Variants in FYB1 observed in about 807,000 individuals in gnomAD.
FYB1 encodes FYN-binding protein 1.
FYB1 carries 41 observed loss-of-function variants against 94.1 expected under a neutral mutation model. That is an observed-to-expected ratio of 0.44 (90% CI 0.34 to 0.57). The LOEUF is 0.57. FYB1 is among the 20% of genes least tolerant of loss of function. The probability of loss-of-function intolerance (pLI) is 0.02; values close to 1 mark genes in which losing one functional copy is unlikely to be tolerated. For synonymous variants in FYB1, 367 were observed against 353.2 expected (o/e 1.04, Z -0.44); for missense variants, 1,050 against 976.8 (o/e 1.07, Z -1.00).
intron 2 of FYB1, among the ~76,000 whole-genome samples, chr5:39,163,121 T>C (rs1744412012): frequency 6.6e-6 from 1 of 152,222 alleles, no homozygotes; most frequent in Non-Finnish European, 1.5e-5. Flanking sequence ...TTGAAACGCC[T>C]GGGTCACAGA....
intron 2 of FYB1, among the ~76,000 whole-genome samples, chr5:39,193,469 G>T (rs549081168): frequency 6.6e-6 from 1 of 152,326 alleles, no homozygotes; most frequent in African/African-American, 2.4e-5. Flanking sequence ...ATAACATCAT[G>T]CATAAACTTC....
chr5:39,234,706 G>A (rs1579752201), intron 1 of FYB1, among the ~76,000 whole-genome samples: 1 of 152,174 alleles, frequency 6.6e-6, no homozygotes, highest in Non-Finnish European at 1.5e-5. Flanking sequence ...GGAATACTAT[G>A]CAGCCATTAA....
Position 39,106,971 on chromosome 5 carries a change from G to C in FYB1, c.*472C>G, listed in dbSNP as rs1451982548. On this transcript the variant is annotated 3_prime_UTR_variant, in exon 19 of 19. Coordinates refer to ENST00000512982, the MANE Select transcript of FYB1 (RefSeq NM_001465.6). ...TTTTAAAAGACAGGTCACTTGAATA[G>C]AGAATATAAGATATAACCATAAGTA... 1 of 152,062 alleles carries C rather than the reference G, an allele frequency of 6.6e-6. No individual in the cohort carries two copies. Among genetic ancestry groups the C allele is most frequent in the Non-Finnish European group, 1.5e-5 (1 of 67,954 alleles). The allele number at this position is 152,062 out of a possible 1,614,324, so 9.4% of individuals were successfully genotyped here.
intron 2 of FYB1, among the ~76,000 whole-genome samples, chr5:39,167,691 G>A (rs939579657): frequency 3.9e-5 from 5 of 126,680 alleles, no homozygotes; most frequent in African/African-American, 1.7e-4. Flanking sequence ...GGGCAGTGGT[G>A]GGGGGAAGTG....
intron 2 of FYB1, 103 bp from the exon 3 acceptor site, chr5:39,153,707 A>G: frequency 1.0e-6 from 1 of 978,104 alleles, no homozygotes; most frequent in South Asian, 1.7e-5. Flanking sequence ...TTTGGCAAAA[A>G]TTAACAACTG....
chr5:39,140,625 T>C (rs1237434122), intron 4 of FYB1, among the ~76,000 whole-genome samples: 1 of 152,162 alleles, frequency 6.6e-6, no homozygotes, highest in Non-Finnish European at 1.5e-5. Flanking sequence ...TGGGGATGAA[T>C]ACAAGAAGGT....
intron 3 of FYB1, among the ~76,000 whole-genome samples, chr5:39,148,381 G>T (rs1478929227): frequency 2.1e-3 from 80 of 38,168 alleles, no homozygotes; most frequent in South Asian, 0.017. Context: ...TTATCAGCAG[G>T]TTTTTTTTTT....
At chr5:39,130,690 A>T in intron 9 of FYB1, 78 bp from the exon 10 acceptor site, 1 of 1,110,236 alleles carries the variant, frequency 9.0e-7, no homozygotes, top group Non-Finnish European at 1.3e-6. Context: ...TATCCTGATT[A>T]GTTATTCAAA....
intron 3 of FYB1, among the ~76,000 whole-genome samples, chr5:39,149,204 A>ACACT (rs1448089095): frequency 6.6e-6 from 1 of 152,202 alleles, no homozygotes; most frequent in Non-Finnish European, 1.5e-5. Context: ...GGAATCTTTT[A>ACACT]CACTCTTAAA....
At chr5:39,200,121 G>A (rs1170177112) in intron 2 of FYB1, among the ~76,000 whole-genome samples, 2 of 152,208 alleles carry the variant, frequency 1.3e-5, no homozygotes, top group African/African-American at 4.8e-5. Context: ...GCTACTGACA[G>A]TGAGGAAGCA....
chr5:39,191,156 A>T (rs192726767), intron 2 of FYB1, among the ~76,000 whole-genome samples: 21 of 152,268 alleles, frequency 1.4e-4, no homozygotes, highest in Admixed American at 2.6e-4. Flanking sequence ...TTTTTTGGGG[A>T]CAGATTTTTA....
In FYB1 at chr5:39,170,302, G is replaced by A. The variant is rs1477650526; in HGVS notation, c.1136-16698C>T. Reference sequence around the variant, plus strand: ...ATCAACTCAGTTTAAAAGATCTTCTGTCTTTCCAGCAAGATCAACAAACCA... The same window carrying A: ...ATCAACTCAGTTTAAAAGATCTTCTATCTTTCCAGCAAGATCAACAAACCA... On this transcript the variant is annotated intron_variant, in intron 2 of 18. Transcript: ENST00000512982. 4.3e-6 allele frequency: 6 copies of A among 1,395,942 alleles called. No homozygotes were observed. The East Asian group carries it at 7.3e-5, about 17-fold the overall frequency. 86.5% of individuals were successfully genotyped at this position (1,395,942 alleles called of 1,614,324 possible).
chr5:39,244,552 T>C (rs1245675526), intron 1 of FYB1, among the ~76,000 whole-genome samples: 2 of 152,188 alleles, frequency 1.3e-5, no homozygotes, highest in African/African-American at 2.4e-5. Context: ...CAGTATTTTA[T>C]TGAGGATTTT....
Position 39,210,346 on chromosome 5 carries a change from G to T in FYB1, c.-27-7359C>A, listed in dbSNP as rs76485212. On this transcript the variant is annotated intron_variant, in intron 1 of 18. Transcript: ENST00000512982. ...GAAAAACCACCACAGATATCGCTGT[G>T]CATTATCTCCTGGTCTGGTGTTATT... Among the ~76,000 whole-genome samples, 5 of 152,210 alleles carry T rather than the reference G, an allele frequency of 3.3e-5. No homozygotes were observed. The East Asian group carries it at 9.6e-4, about 29-fold the overall frequency.
At chr5:39,203,056 C>G in intron 1 of FYB1, 69 bp from the exon 2 acceptor site, 1 of 1,344,592 alleles carries the variant, frequency 7.4e-7, no homozygotes, top group Non-Finnish European at 1.0e-6. Flanking sequence ...AAATACTATA[C>G]CTTACAGAGC....
At chr5:39,201,795 A>G (rs780795334) in intron 2 of FYB1, 31 bp downstream of exon 2, 30 of 1,581,186 alleles carry the variant, frequency 1.9e-5, no homozygotes, top group Admixed American at 8.7e-5. Context: ...GGAGTAAACC[A>G]TACTGAATAG....
intron 2 of FYB1, among the ~76,000 whole-genome samples, chr5:39,185,294 C>T (rs576456152): frequency 1.5e-4 from 23 of 152,056 alleles, no homozygotes; most frequent in African/African-American, 5.3e-4. Flanking sequence ...TTGAATTTTT[C>T]ACTCTTCTTT....
chr5:39,252,725 A>G (rs1751782974), intron 1 of FYB1, among the ~76,000 whole-genome samples: 1 of 152,106 alleles, frequency 6.6e-6, no homozygotes, highest in African/African-American at 2.4e-5. Flanking sequence ...TTTTTACCCT[A>G]GAGAACTAGG....
chr5:39,116,963 G>T (rs1027429347), intron 16 of FYB1, among the ~76,000 whole-genome samples: 5 of 152,120 alleles, frequency 3.3e-5, no homozygotes, highest in African/African-American at 1.2e-4. Context: ...AAGCATAGGA[G>T]ACTTAGGTCA....
Sources: allele counts gnomAD v4.1 joint callset (sites outside exome capture counted in the v4.1 genomes callset), GRCh38; gene constraint gnomAD v4.1.1; transcripts MANE v1.5; gene names NCBI Gene and HGNC (gene_info 2026-07-23, HGNC 2026-07-21).